Variants in EXOC5 observed in about 807,000 individuals in gnomAD.
The protein encoded by EXOC5 is exocyst complex component 5.
EXOC5 carries 17 observed loss-of-function variants against 90.8 expected under a neutral mutation model. The observed-to-expected ratio is 0.19, with a 90% CI of 0.13 to 0.28. EXOC5 has a LOEUF of 0.28. EXOC5 is among the 10% of genes least tolerant of loss of function. The pLI is 1.00. For synonymous variants in EXOC5, 260 were observed against 270.0 expected (o/e 0.96, Z 0.36); for missense variants, 569 against 830.6 (o/e 0.69, Z 3.87).
At chr14:57,246,601 A>G in intron 3 of EXOC5, 110 bp downstream of exon 3, 4 of 928,702 alleles carry the variant, frequency 4.3e-6, no homozygotes, top group Non-Finnish European at 6.8e-6. Context: ...GTAGAAAGAA[A>G]TCTTGACAGT....
rs949404377 is a variant in EXOC5, at chr14:57,238,363, T to C, written c.531-997A>G. On this transcript the variant is annotated intron_variant, in intron 5 of 17. Transcript: ENST00000621441. ...TCCTAATTAGACATATATATATATA[T>C]ATATATATATATACACACACACACA... 3.8e-3 allele frequency among the ~76,000 whole-genome samples: 357 copies of C among 94,012 alleles called. 1 individual carries two copies. Among genetic ancestry groups the C allele is most frequent in the African/African-American group, 8.4e-3 (274 of 32,754 alleles). 61.7% of individuals were successfully genotyped at this position (94,012 alleles called of 152,430 possible).
chr14:57,262,721 G>T (rs1884549778), intron 1 of EXOC5, among the ~76,000 whole-genome samples: 1 of 147,930 alleles, frequency 6.8e-6, no homozygotes, highest in Admixed American at 6.8e-5. Flanking sequence ...ATATATGTGT[G>T]TGTATATATA....
intron 12 of EXOC5, 38 bp from the exon 13 acceptor site, chr14:57,222,454 C>T (rs1566727561): frequency 8.1e-7 from 1 of 1,233,502 alleles, no homozygotes; most frequent in Non-Finnish European, 1.2e-6. Flanking sequence ...CTCCTCAAGT[C>T]TACCTTTTGA....
At chr14:57,226,013 G>C (rs10133193) in intron 12 of EXOC5, among the ~76,000 whole-genome samples, 2 of 152,100 alleles carry the variant, frequency 1.3e-5, no homozygotes, top group Non-Finnish European at 2.9e-5. Context: ...AATCTGGCTC[G>C]GTGAATCTAC....
intron 4 of EXOC5, chr14:57,243,449 AG>A (rs1242112489): frequency 6.6e-6 from 1 of 152,222 alleles, no homozygotes; most frequent in Non-Finnish European, 1.5e-5. Flanking sequence ...GGAATAATTC[AG>A]GAAGACTGTA....
At chr14:57,263,653 C>T (rs1400923789) in intron 1 of EXOC5, among the ~76,000 whole-genome samples, 8 of 149,528 alleles carry the variant, frequency 5.4e-5, no homozygotes, top group African/African-American at 1.7e-4. Context: ...ATAATCCCAG[C>T]TACCCAGGAG....
In EXOC5 at chr14:57,205,669, C is replaced by A; in HGVS notation, c.*2940G>T. The A allele has an allele frequency of 2.9e-6, 1 of 340,400 alleles. No individual in the cohort carries two copies. Among genetic ancestry groups the A allele is most frequent in the Non-Finnish European group, 5.6e-6 (1 of 178,096 alleles). The allele number at this position is 340,400 out of a possible 1,614,324, so 21.1% of individuals were successfully genotyped here. A position where few individuals can be genotyped will look rare whatever the true frequency, so the allele number is the denominator to read the frequency against. ...GAATTCTCCACTTGGAATCAATCTA[C>A]TGATTGATAATTAAATTATTTCACT... On this transcript the variant is annotated 3_prime_UTR_variant, in exon 18 of 18. Coordinates refer to ENST00000621441, the MANE Select transcript of EXOC5 (RefSeq NM_006544.4).
chr14:57,256,502 AAT>A (rs1884353310), intron 1 of EXOC5, among the ~76,000 whole-genome samples: 2 of 152,208 alleles, frequency 1.3e-5, no homozygotes, highest in South Asian at 4.2e-4. Context: ...TTCTTCTTCT[AAT>A]TTTCCTCCAG....
chr14:57,230,456 C>CAA (rs1483506421), intron 11 of EXOC5, among the ~76,000 whole-genome samples: 1 of 151,918 alleles, frequency 6.6e-6, no homozygotes, highest in African/African-American at 2.4e-5. Context: ...AACACACACA[C>CAA]AAATTCCTAT....
chr14:57,268,230 G>T, intron 1 of EXOC5: 1 of 292,550 alleles, frequency 3.4e-6, no homozygotes, highest in Non-Finnish European at 6.4e-6. Context: ...GGACCCCAGC[G>T]ACAAGACTCG....
intron 3 of EXOC5, among the ~76,000 whole-genome samples, chr14:57,245,354 T>C (rs944457244): frequency 5.3e-5 from 8 of 152,162 alleles, no homozygotes; most frequent in Non-Finnish European, 8.8e-5. Flanking sequence ...GTTCTAAGCA[T>C]ATTACATGTA....
chr14:57,209,309 T>C (rs1882755753), intron 17 of EXOC5, among the ~76,000 whole-genome samples: 1 of 151,976 alleles, frequency 6.6e-6, no homozygotes, highest in Non-Finnish European at 1.5e-5. Context: ...GCAGATCACT[T>C]GAGCCCAGGA....
intron 1 of EXOC5, among the ~76,000 whole-genome samples, chr14:57,250,617 C>T (rs1369763774): frequency 1.3e-5 from 2 of 152,214 alleles, no homozygotes; most frequent in East Asian, 1.9e-4. Context: ...GATTCCTGGC[C>T]AAGATCTGGC....
In EXOC5 at chr14:57,203,277, T is replaced by A. The variant is rs1393574237; in HGVS notation, c.*5332A>T. On this transcript the variant is annotated 3_prime_UTR_variant, in exon 18 of 18. Transcript: ENST00000621441. The stretch of plus-strand genomic sequence containing the variant: ...AAAGGCCAGAGTTGAAAGGAACCAG[T>A]TACAGTATAAAGATTAAAATGATAG... The A allele has an allele frequency of 1.3e-5, 2 of 152,020 alleles. No homozygotes were observed. The highest frequency in any genetic ancestry group is 2.9e-5 in the Non-Finnish European group (2 of 67,990). The allele number at this position is 152,020 out of a possible 1,614,324, so 9.4% of individuals were successfully genotyped here. A position where few individuals can be genotyped will look rare whatever the true frequency, so the allele number is the denominator to read the frequency against.
chr14:57,234,669 G>A (rs994109155), intron 7 of EXOC5, among the ~76,000 whole-genome samples: 2 of 150,916 alleles, frequency 1.3e-5, no homozygotes, highest in Non-Finnish European at 1.5e-5. Flanking sequence ...AGGCTCATGC[G>A]ATCCTCCTGC....
At chr14:57,216,557 T>C (rs181102028) in intron 15 of EXOC5, among the ~76,000 whole-genome samples, 30 of 152,196 alleles carry the variant, frequency 2.0e-4, no homozygotes, top group Admixed American at 7.2e-4. Flanking sequence ...GTCTCCTCTA[T>C]AAATGGTTCT....
rs185429621 is a variant in EXOC5 at position 57,215,519 on chromosome 14, A to T, written c.1613+2463T>A. Among the ~76,000 whole-genome samples, 50 of 152,264 alleles carry T rather than the reference A, an allele frequency of 3.3e-4. 1 individual carries two copies. The Middle Eastern group carries it at 0.017, about 52-fold the overall frequency. On this transcript the variant is annotated intron_variant, in intron 15 of 17. Coordinates refer to ENST00000621441, the MANE Select transcript of EXOC5 (RefSeq NM_006544.4). ...TTCAAGGATGGTTCAGCATATGCAG[A>T]TCTATAAATGTGACAGACCACATTA...
intron 12 of EXOC5, 76 bp downstream of exon 12, chr14:57,229,658 G>A (rs370371122): frequency 1.0e-4 from 112 of 1,113,104 alleles, no homozygotes; most frequent in East Asian, 1.6e-4. Context: ...TGGTATCCTC[G>A]GAGGTTCTGG....
chr14:57,232,844 T>C (rs1883527337), intron 9 of EXOC5, 95 bp from the exon 10 acceptor site: 2 of 572,460 alleles, frequency 3.5e-6, no homozygotes, highest in Non-Finnish European at 6.1e-6. Context: ...TCCACAGTTT[T>C]GAACCTTTCT....
Sources: allele counts gnomAD v4.1 joint callset (sites outside exome capture counted in the v4.1 genomes callset), GRCh38; gene constraint gnomAD v4.1.1; transcripts MANE v1.5; gene names NCBI Gene and HGNC (gene_info 2026-07-23, HGNC 2026-07-21).